The following CAMK2D variants were observed in gnomAD, a reference collection of about 807,000 sequenced individuals.
The protein encoded by CAMK2D is calcium/calmodulin dependent protein kinase II delta, also known as calcium/calmodulin-dependent protein kinase type II subunit delta.
CAMK2D carries 37 observed loss-of-function variants against 84.0 expected under a neutral mutation model. The observed-to-expected ratio is 0.44, with a 90% CI of 0.34 to 0.58. The LOEUF is 0.58. Among genes scored for constraint, CAMK2D ranks in the 20% least tolerant of loss-of-function variants. The pLI is 0.02. For synonymous variants in CAMK2D, 202 were observed against 212.5 expected (o/e 0.95, Z 0.43); for missense variants, 448 against 652.5 (o/e 0.69, Z 3.41).
intron 6 of CAMK2D, among the ~76,000 whole-genome samples, chr4:113,539,074 C>A (rs977225373): frequency 2.0e-5 from 3 of 151,882 alleles, no homozygotes; most frequent in Non-Finnish European, 4.4e-5. Flanking sequence ...TTATTTGGAA[C>A]TTTATCAATA....
intron 4 of CAMK2D, among the ~76,000 whole-genome samples, chr4:113,588,146 T>C (rs573329698): frequency 2.6e-4 from 40 of 152,234 alleles, no homozygotes; most frequent in Admixed American, 1.3e-3. Flanking sequence ...ATACGTTGCA[T>C]GTTTCAGTCT....
chr4:113,610,705 C>T (rs2154267726), intron 3 of CAMK2D, among the ~76,000 whole-genome samples: 1 of 152,298 alleles, frequency 6.6e-6, no homozygotes, highest in East Asian at 1.9e-4. Flanking sequence ...AGTTCAGTCT[C>T]AGACCCTCTA....
At chr4:113,598,045 T>C (rs1301862131) in intron 4 of CAMK2D, among the ~76,000 whole-genome samples, 3 of 152,044 alleles carry the variant, frequency 2.0e-5, no homozygotes, top group South Asian at 4.1e-4. Context: ...TTAAAGTTCA[T>C]ATGAAAAGAA....
chr4:113,467,743 G>C (rs1051097323), intron 16 of CAMK2D, among the ~76,000 whole-genome samples: 1 of 152,140 alleles, frequency 6.6e-6, no homozygotes, highest in African/African-American at 2.4e-5. Flanking sequence ...TCCTGCCAGT[G>C]ACACATTTTA....
chr4:113,706,843 A>G (rs1349970438), intron 2 of CAMK2D, among the ~76,000 whole-genome samples: 1 of 152,226 alleles, frequency 6.6e-6, no homozygotes, highest in Non-Finnish European at 1.5e-5. Context: ...CCATTCAGGC[A>G]TAAGTTATTT....
chr4:113,555,851 G>C (rs577441089), intron 4 of CAMK2D, among the ~76,000 whole-genome samples: 1 of 152,142 alleles, frequency 6.6e-6, no homozygotes, highest in Admixed American at 6.5e-5. Context: ...GCCTGTGGGA[G>C]GTAATGAGGT....
intron 4 of CAMK2D, among the ~76,000 whole-genome samples, chr4:113,598,284 G>A (rs1591722536): frequency 6.6e-6 from 1 of 151,800 alleles, no homozygotes; most frequent in South Asian, 2.1e-4. Context: ...CAATACACTG[G>A]AAAAAACATT....
intron 3 of CAMK2D, among the ~76,000 whole-genome samples, chr4:113,611,805 G>T (rs760394726): frequency 1.3e-5 from 2 of 152,128 alleles, no homozygotes; most frequent in South Asian, 4.2e-4. Flanking sequence ...TGTGATAAGG[G>T]TTTGAGACAA....
At chr4:113,524,010 C>T (rs114058150) in intron 8 of CAMK2D, among the ~76,000 whole-genome samples, 3,732 of 152,030 alleles carry the variant, frequency 0.025, 130 homozygotes, top group African/African-American at 0.085. Context: ...GCTAGGACTA[C>T]GGGTGTGTGC....
chr4:113,502,493 T>A (rs1590259697), intron 15 of CAMK2D, among the ~76,000 whole-genome samples: 2 of 132,010 alleles, frequency 1.5e-5, no homozygotes, highest in African/African-American at 5.8e-5. Flanking sequence ...GACAACAGAA[T>A]AGAATAAAAC....
chr4:113,603,852 G>C (rs2098966155), intron 4 of CAMK2D, among the ~76,000 whole-genome samples: 1 of 145,998 alleles, frequency 6.8e-6, no homozygotes, highest in Non-Finnish European at 1.5e-5. Flanking sequence ...CTGAGCACTT[G>C]GGGAGGCTGA....
chr4:113,530,687 CAA>C (rs1454671225), intron 8 of CAMK2D, among the ~76,000 whole-genome samples: 1 of 152,152 alleles, frequency 6.6e-6, no homozygotes, highest in Non-Finnish European at 1.5e-5. Flanking sequence ...TGTGAAGACA[CAA>C]AGAGAGGATA....
At chr4:113,735,190 G>A (rs1281552151) in intron 2 of CAMK2D, among the ~76,000 whole-genome samples, 2 of 148,452 alleles carry the variant, frequency 1.3e-5, no homozygotes, top group African/African-American at 2.5e-5. Context: ...GGTGGCTCAC[G>A]CCTGTAATCC....
chr4:113,713,607 C>T (rs1446271438), intron 2 of CAMK2D, among the ~76,000 whole-genome samples: 1 of 150,022 alleles, frequency 6.7e-6, no homozygotes, highest in African/African-American at 2.4e-5. Context: ...GTGACCTGGA[C>T]TCTCTTTTTG....
At chr4:113,469,710 G>C (rs889000620) in intron 16 of CAMK2D, among the ~76,000 whole-genome samples, 2 of 152,090 alleles carry the variant, frequency 1.3e-5, no homozygotes, top group African/African-American at 4.8e-5. Context: ...CTACAAGCCT[G>C]CTTGCTCTTC....
At chr4:113,717,589 C>A (rs527981399) in intron 2 of CAMK2D, among the ~76,000 whole-genome samples, 1 of 151,842 alleles carries the variant, frequency 6.6e-6, no homozygotes, top group African/African-American at 2.4e-5. Flanking sequence ...AAGGTAAAGG[C>A]AAATACCTTT....
chr4:113,505,506 A>G (rs2098117292), intron 13 of CAMK2D, among the ~76,000 whole-genome samples: 1 of 152,206 alleles, frequency 6.6e-6, no homozygotes, highest in South Asian at 2.1e-4. Flanking sequence ...AGGAGCAATT[A>G]AATTATCCAA....
At chr4:113,530,575 T>A (rs535588767) in intron 8 of CAMK2D, among the ~76,000 whole-genome samples, 1 of 152,130 alleles carries the variant, frequency 6.6e-6, no homozygotes, top group Admixed American at 6.5e-5. Context: ...CCTAATATGA[T>A]GGAAGGAAGG....
intron 2 of CAMK2D, among the ~76,000 whole-genome samples, chr4:113,757,398 G>T (rs1290012130): frequency 6.6e-6 from 1 of 152,050 alleles, no homozygotes; most frequent in Admixed American, 6.6e-5. Context: ...AGAAACTGAG[G>T]CTCAGAGAAA....
Sources: gnomAD v4.1 joint callset for allele counts (sites outside exome capture counted in the v4.1 genomes callset) on GRCh38, gnomAD v4.1.1 for gene constraint, MANE v1.5 for transcripts, NCBI Gene and HGNC (gene_info 2026-07-23, HGNC 2026-07-21) for gene names.